TNRC6C: variants seen among roughly 807,000 people sequenced by gnomAD.
TNRC6C encodes trinucleotide repeat-containing gene 6C protein.
In TNRC6C, 20 loss-of-function variants were observed where a neutral mutation model predicts 153.7. The ratio of observed to expected loss-of-function variants is 0.13; its 90% CI spans 0.09 to 0.19. The LOEUF is 0.19. Among genes scored for constraint, TNRC6C ranks in the 10% least tolerant of loss-of-function variants. TNRC6C has a pLI of 1.00. For missense variants in TNRC6C, 1,987 were observed against 2,172.0 expected (o/e 0.91, Z 1.69); for synonymous variants, 811 against 841.4 (o/e 0.96, Z 0.63).
At chr17:77,989,206 C>T (rs141699740) in intron 1 of TNRC6C, among the ~76,000 whole-genome samples, 97 of 152,300 alleles carry the variant, frequency 6.4e-4, no homozygotes, top group African/African-American at 2.3e-3. Flanking sequence ...TCGAGTTGGG[C>T]ACAATGGCAT....
At chr17:78,071,210 A>T in intron 6 of TNRC6C, 45 bp downstream of exon 8, 1 of 1,541,432 alleles carries the variant, frequency 6.5e-7, no homozygotes. Flanking sequence ...GCTTCCCAAA[A>T]TGAAATGCCC....
intron 2 of TNRC6C, among the ~76,000 whole-genome samples, chr17:78,047,091 C>T (rs1344810465): frequency 6.6e-6 from 1 of 151,848 alleles, no homozygotes; most frequent in Non-Finnish European, 1.5e-5. Flanking sequence ...CAAGAGGCAG[C>T]CTGCCTTATG....
At chr17:78,041,343 C>A (rs1399287843) in intron 2 of TNRC6C, among the ~76,000 whole-genome samples, 1 of 152,186 alleles carries the variant, frequency 6.6e-6, no homozygotes, top group Non-Finnish European at 1.5e-5. Context: ...TTACCCATGG[C>A]TTTCCCTACT....
chr17:78,064,958 G>T (rs1315038317), intron 4 of TNRC6C, 21 bp downstream of exon 6: 1 of 1,586,692 alleles, frequency 6.3e-7, no homozygotes, highest in Admixed American at 1.9e-5. Flanking sequence ...CATCCTGCTT[G>T]CCCTGATCTG....
intron 1 of TNRC6C, among the ~76,000 whole-genome samples, chr17:78,023,928 G>A (rs1235096494): frequency 6.6e-6 from 1 of 152,040 alleles, no homozygotes; most frequent in East Asian, 1.9e-4. Flanking sequence ...TGGCCGACAT[G>A]GTGAAACCCC....
chr17:78,098,299 C>A, intron 16 of TNRC6C, 44 bp from the exon 20 acceptor site: 1 of 1,524,444 alleles, frequency 6.6e-7, no homozygotes, highest in South Asian at 1.3e-5. Flanking sequence ...GAGTTTTCTT[C>A]TTTGTCTCAA....
At chr17:78,076,233 GAAAAA>G (rs899650295) in intron 8 of TNRC6C, among the ~76,000 whole-genome samples, 83 of 128,154 alleles carry the variant, frequency 6.5e-4, no homozygotes, top group African/African-American at 2.4e-3. Context: ...AAAAGAAAAA[GAAAAA>G]AAAAAAAGGA....
intron 8 of TNRC6C, among the ~76,000 whole-genome samples, chr17:78,076,269 A>C (rs562613269): frequency 1.3e-5 from 2 of 152,028 alleles, no homozygotes; most frequent in East Asian, 3.9e-4. Context: ...AGCAAAGAAT[A>C]TCAGAGATGG....
At chr17:78,073,583 A>G (rs1425655003) in intron 7 of TNRC6C, among the ~76,000 whole-genome samples, 2 of 152,212 alleles carry the variant, frequency 1.3e-5, no homozygotes. Flanking sequence ...ACATTTAAAT[A>G]TAGTCGATTC....
rs755894902 is a variant in TNRC6C at position 78,098,524 on chromosome 17, C to T, written c.4488C>T (p.Ser1496=). Residue 1496 remains serine (S), a synonymous_variant, in exon 17 of 20, where the codon AGC becomes AGT. Transcript: ENST00000301624. ...GTGCCAGCCCCCTCGGCTGGACCAG[C>T]TCCTACTCCTCGGGTAAGCTCCATG... 15 of 1,612,742 alleles carry T rather than the reference C, an allele frequency of 9.3e-6. No homozygotes were observed. In the South Asian group the frequency reaches 1.6e-4, roughly 18 times the overall value.
At chr17:78,056,885 A>AT (rs918777029) in intron 3 of TNRC6C, among the ~76,000 whole-genome samples, 2 of 137,372 alleles carry the variant, frequency 1.5e-5, no homozygotes, top group African/African-American at 2.7e-5. Flanking sequence ...ATATTTATAG[A>AT]TTTTTTTAAA....
intron 14 of TNRC6C, 147 bp downstream of exon 16, chr17:78,091,754 T>TA: frequency 1.1e-6 from 1 of 928,848 alleles, no homozygotes; most frequent in Non-Finnish European, 1.4e-6. Flanking sequence ...ATAGTGCATA[T>TA]AAGATCTCAG....
Position 78,079,668 on chromosome 17 carries a change from C to T in TNRC6C, c.3357+127C>T. 2 of 1,257,192 alleles carry T rather than the reference C, an allele frequency of 1.6e-6. No individual in the cohort carries two copies. The highest frequency in any genetic ancestry group is 2.2e-6 in the Non-Finnish European group (2 of 924,876). The allele number at this position is 1,257,192 out of a possible 1,614,324, so 77.9% of individuals were successfully genotyped here. A position where few individuals can be genotyped will look rare whatever the true frequency, so the allele number is the denominator to read the frequency against. On this transcript the variant is annotated intron_variant, in intron 10 of 19. Transcript: ENST00000301624. The surrounding 1 kb of genome is among the most constrained non-coding windows in gnomAD (Gnocchi z 4.3). ...AGTTAATCCATGTTTAAGAGAAGGCCTTCTGGTTTTTAACCTATAAATTAA... is the reference window on the plus strand; with the variant it reads ...AGTTAATCCATGTTTAAGAGAAGGCTTTCTGGTTTTTAACCTATAAATTAA...
At chr17:77,987,922 CG>C (rs2071194194) in intron 1 of TNRC6C, among the ~76,000 whole-genome samples, 1 of 152,096 alleles carries the variant, frequency 6.6e-6, no homozygotes, top group Non-Finnish European at 1.5e-5. Context: ...TCAAGTTATC[CG>C]CCCGCCTTGG....
At chr17:78,064,662 A>G in intron 3 of TNRC6C, 60 bp from the exon 6 acceptor site, 1 of 1,487,200 alleles carries the variant, frequency 6.7e-7, no homozygotes, top group Non-Finnish European at 9.3e-7. Flanking sequence ...ACTGAATTAT[A>G]TTTTTGCTTT....
chr17:77,973,326 AAG>A (rs1330663456), intron 1 of TNRC6C, among the ~76,000 whole-genome samples: 1 of 152,250 alleles, frequency 6.6e-6, no homozygotes, highest in African/African-American at 2.4e-5. Flanking sequence ...TTAGGTATAA[AAG>A]AGAGCTGCTT....
chr17:78,098,687 T>G, intron 17 of TNRC6C, 150 bp downstream of exon 20: 3 of 799,722 alleles, frequency 3.8e-6, no homozygotes, highest in Non-Finnish European at 5.7e-6. Context: ...ACCCTAGATG[T>G]CCATCCAGGG....
chr17:78,051,341 C>G, exon 3 of TNRC6C: 1 of 1,509,228 alleles, frequency 6.6e-7, no homozygotes, highest in Non-Finnish European at 8.9e-7. Flanking sequence ...ACGACCAATA[C>G]CACCACCACC....
intron 16 of TNRC6C, among the ~76,000 whole-genome samples, chr17:78,096,519 C>A (rs926218927): frequency 6.6e-6 from 1 of 152,252 alleles, no homozygotes; most frequent in Non-Finnish European, 1.5e-5. Flanking sequence ...TGCAGCAGGG[C>A]AGCTGCAAAC....
Sources: allele counts gnomAD v4.1 joint callset (sites outside exome capture counted in the v4.1 genomes callset), GRCh38; gene constraint gnomAD v4.1.1; non-coding constraint Gnocchi (gnomAD v3.1); transcripts MANE v1.5; gene names NCBI Gene and HGNC (gene_info 2026-07-23, HGNC 2026-07-21).